Variants in PPP2R5E observed in about 807,000 individuals in gnomAD.
PPP2R5E encodes protein phosphatase 2 regulatory subunit B'epsilon.
In PPP2R5E, 4 loss-of-function variants were observed where a neutral mutation model predicts 65.3. That is an observed-to-expected ratio of 0.06 (90% CI 0.03 to 0.14). The LOEUF is 0.14. Ranked by LOEUF, PPP2R5E falls within the 10% of genes least tolerant of loss-of-function variation. PPP2R5E has a pLI of 1.00. For missense variants in PPP2R5E, 274 were observed against 556.1 expected (o/e 0.49, Z 5.10); for synonymous variants, 183 against 187.4 (o/e 0.98, Z 0.19).
intron 5 of PPP2R5E, among the ~76,000 whole-genome samples, chr14:63,406,987 T>C (rs535026125): frequency 2.6e-5 from 4 of 152,320 alleles, no homozygotes; most frequent in Non-Finnish European, 4.4e-5. Flanking sequence ...TTAAGAAAGT[T>C]CTCAAAACAA....
At chr14:63,490,884 TA>T (rs748981656) in intron 2 of PPP2R5E, among the ~76,000 whole-genome samples, 2 of 151,982 alleles carry the variant, frequency 1.3e-5, no homozygotes, top group Non-Finnish European at 1.5e-5. Flanking sequence ...CATTACCGGA[TA>T]TATACCCAAA....
intron 2 of PPP2R5E, among the ~76,000 whole-genome samples, chr14:63,466,662 C>T (rs1889816501): frequency 6.6e-6 from 1 of 152,100 alleles, no homozygotes; most frequent in Admixed American, 6.5e-5. Flanking sequence ...GACAAGAAAC[C>T]CATTTCAAAG....
At chr14:63,520,175 A>C (rs948509002) in intron 2 of PPP2R5E, among the ~76,000 whole-genome samples, 3 of 151,968 alleles carry the variant, frequency 2.0e-5, no homozygotes, top group African/African-American at 7.3e-5. Context: ...AGCTGGGACT[A>C]CTGGCGCCCG....
intron 2 of PPP2R5E, among the ~76,000 whole-genome samples, chr14:63,522,401 G>T (rs1432768765): frequency 2.0e-5 from 3 of 151,354 alleles, no homozygotes; most frequent in African/African-American, 7.3e-5. Context: ...CTGCCTGGCC[G>T]CCCATCATCT....
At chr14:63,459,044 G>A (rs866382925) in intron 2 of PPP2R5E, among the ~76,000 whole-genome samples, 6 of 151,930 alleles carry the variant, frequency 3.9e-5, no homozygotes, top group South Asian at 2.1e-4. Flanking sequence ...TGTCCTTCAC[G>A]GGCAACTCTC....
chr14:63,413,988 CAGCTCT>C (rs1311583030), intron 5 of PPP2R5E, among the ~76,000 whole-genome samples: 3 of 152,196 alleles, frequency 2.0e-5, no homozygotes, highest in Admixed American at 6.5e-5. Flanking sequence ...AAGCTCCTTT[CAGCTCT>C]GAGCTGACAT....
chr14:63,492,349 G>A (rs1030948959), intron 2 of PPP2R5E, among the ~76,000 whole-genome samples: 4 of 152,008 alleles, frequency 2.6e-5, no homozygotes, highest in African/African-American at 9.7e-5. Flanking sequence ...CCCAGTTAAG[G>A]ACTCAAAAAT....
intron 2 of PPP2R5E, among the ~76,000 whole-genome samples, chr14:63,463,194 C>T (rs1423390949): frequency 2.7e-5 from 4 of 150,354 alleles, no homozygotes; most frequent in Non-Finnish European, 4.4e-5. Flanking sequence ...AGGCTGGAGG[C>T]AATGGCACAA....
In PPP2R5E at chr14:63,374,634, G is replaced by GATTATATATATATATATATATATATAT. The variant is rs1555353678; in HGVS notation, c.*1374_*1375insATATATATATATATATATATATATAAT. 1.3e-4 allele frequency: 14 copies of GATTATATATATATATATATATATATAT among 109,574 alleles called. No individual in the cohort carries two copies. Among genetic ancestry groups the GATTATATATATATATATATATATATAT allele is most frequent in the African/African-American group, 5.3e-4 (11 of 20,674 alleles). The allele number at this position is 109,574 out of a possible 1,614,324, so 6.8% of individuals were successfully genotyped here. On this transcript the variant is annotated 3_prime_UTR_variant, in exon 14 of 14. Coordinates refer to ENST00000337537, the MANE Select transcript of PPP2R5E (RefSeq NM_006246.5). Reference sequence around the variant, plus strand: ...TAAATACAAAGCAGAGAGCCAATAAGATATATATATATATATATATATATA... The same window carrying GATTATATATATATATATATATATATAT: ...TAAATACAAAGCAGAGAGCCAATAAGATTATATATATATATATATATATATATATATATATATATATATATATATATA...
In PPP2R5E at chr14:63,537,477, A is replaced by C. The variant is rs530068844; in HGVS notation, c.157+2052T>G. On this transcript the variant is annotated intron_variant, in intron 2 of 13. Coordinates refer to ENST00000337537, the MANE Select transcript of PPP2R5E (RefSeq NM_006246.5). ...CAAAATTTTCTCCCCCAAAGCTCAC[A>C]GGAGCTCATCTTTACTGACTGGTAG... 3.3e-5 allele frequency among the ~76,000 whole-genome samples: 5 copies of C among 152,320 alleles called. No homozygotes were observed. In the South Asian group the frequency reaches 8.3e-4, roughly 25 times the overall value.
Position 63,415,210 on chromosome 14 carries a change from C to T in PPP2R5E, c.479G>A (p.Arg160Gln), listed in dbSNP as rs1197977354. The T allele has an allele frequency of 3.1e-6, 5 of 1,602,020 alleles. No individual in the cohort carries two copies. Among genetic ancestry groups the T allele is most frequent in the South Asian group, 1.1e-5 (1 of 90,346 alleles). ...TTGGAATTCTTGGCTTTCCAAAAAT[C>T]GTATGAAAAATTCATATACAAGCTG... ...HLQLVYEFFI[R>Q]FLESQEFQPS... Residue 160 changes from arginine (R) to glutamine (Q), a missense_variant, in exon 5 of 14, where the codon CGA (arginine) becomes CAA (glutamine). By Grantham distance (43) the Arg-to-Gln change is conservative. Around this residue, in one of 6 missense-constraint regions of PPP2R5E, gnomAD observed 19 missense variants for 27.5 expected, o/e 0.69. Transcript: ENST00000337537.
chr14:63,404,526 C>A (rs990663407), intron 5 of PPP2R5E, among the ~76,000 whole-genome samples: 2 of 152,124 alleles, frequency 1.3e-5, no homozygotes, highest in Non-Finnish European at 2.9e-5. Context: ...TGAATCAGAA[C>A]GACTCAAGGG....
At chr14:63,418,115 A>T (rs1354009135) in intron 4 of PPP2R5E, among the ~76,000 whole-genome samples, 1 of 152,094 alleles carries the variant, frequency 6.6e-6, no homozygotes, top group Non-Finnish European at 1.5e-5. Flanking sequence ...CAAATTTCAC[A>T]TGTTATTTTG....
rs1385621745 is a variant in PPP2R5E, at chr14:63,375,193, G to A, written c.*816C>T. 6.6e-6 allele frequency: 1 copy of A among 152,544 alleles called. No individual in the cohort carries two copies. Among genetic ancestry groups the A allele is most frequent in the Non-Finnish European group, 1.5e-5 (1 of 67,986 alleles). 9.4% of individuals were successfully genotyped at this position (152,544 alleles called of 1,614,324 possible). On this transcript the variant is annotated 3_prime_UTR_variant, in exon 14 of 14. Coordinates refer to ENST00000337537, the MANE Select transcript of PPP2R5E (RefSeq NM_006246.5). The stretch of plus-strand genomic sequence containing the variant: ...TTCTCACATTTCTAAAACATCTCTG[G>A]TATGTGTGTTCAATGATATATGCAA...
intron 2 of PPP2R5E, among the ~76,000 whole-genome samples, chr14:63,510,646 T>C (rs1413294086): frequency 1.3e-5 from 2 of 152,198 alleles, no homozygotes; most frequent in Non-Finnish European, 2.9e-5. Flanking sequence ...GGCCTGTTAG[T>C]GTGTTTGAGA....
intron 2 of PPP2R5E, among the ~76,000 whole-genome samples, chr14:63,500,626 A>G (rs1480017275): frequency 2.0e-5 from 3 of 152,138 alleles, no homozygotes; most frequent in African/African-American, 7.2e-5. Flanking sequence ...GGCCACGGCA[A>G]GAGGATCTCT....
chr14:63,388,592 T>C (rs1884821761), intron 11 of PPP2R5E, among the ~76,000 whole-genome samples: 2 of 152,208 alleles, frequency 1.3e-5, no homozygotes, highest in African/African-American at 4.8e-5. Context: ...TTCTGTAATT[T>C]TTCCATTTTT....
At chr14:63,405,809 T>C (rs1886042593) in intron 5 of PPP2R5E, among the ~76,000 whole-genome samples, 1 of 152,170 alleles carries the variant, frequency 6.6e-6, no homozygotes, top group African/African-American at 2.4e-5. Flanking sequence ...ATAGACAAAA[T>C]TGTTCCATAA....
chr14:63,482,547 T>G (rs1890766557), intron 2 of PPP2R5E, among the ~76,000 whole-genome samples: 1 of 152,108 alleles, frequency 6.6e-6, no homozygotes, highest in African/African-American at 2.4e-5. Context: ...AACATGACCT[T>G]TGGTGAAATC....
Sources: allele counts gnomAD v4.1 joint callset (sites outside exome capture counted in the v4.1 genomes callset), GRCh38; gene constraint gnomAD v4.1.1; regional missense constraint gnomAD v4.1.1; transcripts MANE v1.5; gene names NCBI Gene and HGNC (gene_info 2026-07-23, HGNC 2026-07-21).